Variants in RALGAPA2 observed in about 807,000 individuals in gnomAD.
The protein encoded by RALGAPA2 is ral GTPase-activating protein subunit alpha-2.
RALGAPA2 carries 139 observed loss-of-function variants against 230.4 expected under a neutral mutation model. The observed-to-expected ratio is 0.60, with a 90% CI of 0.53 to 0.69. The LOEUF (loss-of-function observed/expected upper bound fraction) is 0.69, where lower values mean the gene tolerates loss of function less well. RALGAPA2 is among the 30% of genes least tolerant of loss of function. RALGAPA2 has a pLI of 0.00. For missense variants in RALGAPA2, 2,163 were observed against 2,276.0 expected, an observed-to-expected ratio of 0.95 and a Z score of 1.01; for synonymous variants, 847 against 837.8, an observed-to-expected ratio of 1.01 and a Z score of -0.19.
At chr20:20,576,177 T>A (rs2064814687) in intron 20 of RALGAPA2, among the ~76,000 whole-genome samples, 1 of 152,154 alleles carries the variant, frequency 6.6e-6, no homozygotes. Flanking sequence ...ATACTCCGTA[T>A]CTAATTTCTC....
At chr20:20,710,834 A>G (rs1272781382) in intron 1 of RALGAPA2, among the ~76,000 whole-genome samples, 1 of 152,222 alleles carries the variant, frequency 6.6e-6, no homozygotes, top group Non-Finnish European at 1.5e-5. Flanking sequence ...TTTAAACGCT[A>G]AAGCACAGAA....
intron 37 of RALGAPA2, among the ~76,000 whole-genome samples, chr20:20,457,525 G>A (rs758623219): frequency 1.4e-4 from 21 of 152,186 alleles, no homozygotes; most frequent in South Asian, 4.1e-4. Context: ...TCGTTCATTC[G>A]GCGTGTACTC....
intron 14 of RALGAPA2, among the ~76,000 whole-genome samples, chr20:20,609,333 A>T (rs937596697): frequency 5.3e-5 from 8 of 152,140 alleles, no homozygotes; most frequent in African/African-American, 1.9e-4. Context: ...ATCCTTCTCG[A>T]TCTACCTAAC....
intron 27 of RALGAPA2, among the ~76,000 whole-genome samples, chr20:20,528,059 T>C (rs6046913): frequency 1 from 152,213 of 152,216 alleles, 76,105 homozygotes; most frequent in Middle Eastern, 1. Context: ...AGCTAAGCTG[T>C]GCCTGGAGAA....
In RALGAPA2 at chr20:20,392,048, C is replaced by T. The variant is rs981167308; in HGVS notation, c.*1241G>A. The T allele has an allele frequency of 3.3e-5, 5 of 152,280 alleles. No homozygotes were observed. Among genetic ancestry groups the T allele is most frequent in the African/African-American group, 9.6e-5 (4 of 41,466 alleles). 9.4% of individuals were successfully genotyped at this position (152,280 alleles called of 1,614,324 possible). A position where few individuals can be genotyped will look rare whatever the true frequency, so the allele number is the denominator to read the frequency against. On this transcript the variant is annotated 3_prime_UTR_variant, in exon 40 of 40. Coordinates refer to ENST00000202677, the MANE Select transcript of RALGAPA2 (RefSeq NM_020343.4). ...GGCAGGTCAAGGGTCCAGGACACAG[C>T]CTGGGGCCTGCGCCAGCAGCTCTTC... is the stretch of plus-strand genomic sequence containing the variant.
chr20:20,568,131 C>T (rs758128888), intron 23 of RALGAPA2, among the ~76,000 whole-genome samples: 7 of 151,962 alleles, frequency 4.6e-5, no homozygotes, highest in Non-Finnish European at 7.4e-5. Flanking sequence ...CTGAAAGTCA[C>T]GCCAAATTTT....
intron 15 of RALGAPA2, among the ~76,000 whole-genome samples, chr20:20,602,580 G>T (rs1776269833): frequency 6.6e-6 from 1 of 152,174 alleles, no homozygotes; most frequent in African/African-American, 2.4e-5. Context: ...CTCTGCCTGT[G>T]CTTTTTGTTT....
chr20:20,672,037 T>C (rs1470437830), intron 3 of RALGAPA2, among the ~76,000 whole-genome samples: 2 of 152,214 alleles, frequency 1.3e-5, no homozygotes, highest in Admixed American at 6.5e-5. Flanking sequence ...AAGGAGCTGA[T>C]GCCAACACCA....
intron 37 of RALGAPA2, among the ~76,000 whole-genome samples, chr20:20,438,189 C>T (rs1486119051): frequency 6.6e-6 from 1 of 152,214 alleles, no homozygotes; most frequent in East Asian, 1.9e-4. Context: ...GTGACTGTGT[C>T]ACCAGTAGAA....
intron 4 of RALGAPA2, among the ~76,000 whole-genome samples, chr20:20,644,185 T>C (rs1394192170): frequency 2.6e-5 from 4 of 152,186 alleles, no homozygotes; most frequent in Non-Finnish European, 5.9e-5. Context: ...CCCACCTAAA[T>C]ATCTTATGTA....
intron 36 of RALGAPA2, among the ~76,000 whole-genome samples, chr20:20,478,898 T>A (rs935158768): frequency 6.6e-6 from 1 of 151,816 alleles, no homozygotes; most frequent in Admixed American, 6.6e-5. Flanking sequence ...GAAAAAAGTC[T>A]AATACAATTG....
chr20:20,574,086 T>C (rs1032333747), intron 20 of RALGAPA2, among the ~76,000 whole-genome samples: 2 of 152,246 alleles, frequency 1.3e-5, no homozygotes, highest in African/African-American at 4.8e-5. Flanking sequence ...GAGTTCCACT[T>C]GTTCTACATC....
intron 37 of RALGAPA2, among the ~76,000 whole-genome samples, chr20:20,466,310 T>C (rs539367807): frequency 6.9e-4 from 105 of 152,360 alleles, no homozygotes; most frequent in Non-Finnish European, 1.1e-3. Flanking sequence ...AGTTTTTTGG[T>C]AATGTGAGGA....
chr20:20,512,440 C>A, intron 32 of RALGAPA2, 73 bp downstream of exon 32: 1 of 1,387,366 alleles, frequency 7.2e-7, no homozygotes. Flanking sequence ...TCTTCCCCAA[C>A]CACAAACTGA....
intron 33 of RALGAPA2, among the ~76,000 whole-genome samples, chr20:20,506,764 T>A (rs1168395907): frequency 6.6e-6 from 1 of 152,224 alleles, no homozygotes; most frequent in African/African-American, 2.4e-5. Flanking sequence ...TTCCATATTT[T>A]AACAAATTAT....
At chr20:20,533,282 T>C (rs552948737) in intron 26 of RALGAPA2, among the ~76,000 whole-genome samples, 15 of 152,164 alleles carry the variant, frequency 9.9e-5, no homozygotes, top group Admixed American at 3.3e-4. Flanking sequence ...TCTGGATATA[T>C]ACAGTTTTTG....
In RALGAPA2 at chr20:20,488,747, C is replaced by A. The variant is rs1002105044; in HGVS notation, c.5367+6370G>T. 3.1e-4 allele frequency among the ~76,000 whole-genome samples: 47 copies of A among 151,618 alleles called. 1 individual carries two copies. Among genetic ancestry groups the A allele is most frequent in the Non-Finnish European group, 1.5e-5 (1 of 68,018 alleles). ...CTCTGCTTTACTTTCTTTGAAATAC[C>A]CATTGCTATAAGAGTCTCAGCTCAA... On this transcript the variant is annotated intron_variant, in intron 36 of 39. Coordinates refer to ENST00000202677, the MANE Select transcript of RALGAPA2 (RefSeq NM_020343.4).
At position 20,520,898 on chromosome 20, in the gene RALGAPA2, T is replaced by C. The variant is rs773179151; in HGVS notation, c.4084+19A>G. 1.3e-6 allele frequency: 2 copies of C among 1,536,832 alleles called. No homozygotes were observed. The highest frequency in any genetic ancestry group is 8.9e-7 in the Non-Finnish European group (1 of 1,127,380). ...TCCTTTTCCTTCCCACAAGATTTCA[T>C]ACCTGAAAGAATACTCACCCTCTTC... is the stretch of plus-strand genomic sequence containing the variant. On this transcript the variant is annotated intron_variant, in intron 31 of 39. Coordinates refer to ENST00000202677, the MANE Select transcript of RALGAPA2 (RefSeq NM_020343.4).
At chr20:20,588,663 G>T (rs2065200597) in intron 18 of RALGAPA2, among the ~76,000 whole-genome samples, 1 of 152,054 alleles carries the variant, frequency 6.6e-6, no homozygotes. Context: ...ACATAACATG[G>T]GTTATTGTCC....
Sources: gnomAD v4.1 joint callset for allele counts (sites outside exome capture counted in the v4.1 genomes callset) on GRCh38, gnomAD v4.1.1 for gene constraint, MANE v1.5 for transcripts, NCBI Gene and HGNC (gene_info 2026-07-23, HGNC 2026-07-21) for gene names.